Variants in ENTPD3 observed in about 807,000 individuals in gnomAD.
The protein encoded by ENTPD3 is ectonucleoside triphosphate diphosphohydrolase 3.
A neutral mutation model predicts 51.2 loss-of-function variants in ENTPD3; 60 were observed. That is an observed-to-expected ratio of 1.17 (90% CI 0.95 to 1.45). The LOEUF (loss-of-function observed/expected upper bound fraction) is 1.45. Among genes scored for constraint, ENTPD3 ranks in the 40% most tolerant of loss-of-function variants. The probability of loss-of-function intolerance (pLI) is 0.00; values close to 1 mark genes in which losing one functional copy is unlikely to be tolerated. For missense variants in ENTPD3, 593 were observed against 641.1 expected (o/e 0.93, Z 0.81); for synonymous variants, 221 against 238.4 (o/e 0.93, Z 0.67).
chr3:40,402,775 T>C (rs370576249), intron 4 of ENTPD3, among the ~76,000 whole-genome samples: 47 of 152,338 alleles, frequency 3.1e-4, no homozygotes, highest in East Asian at 1.9e-3. Context: ...TATGTTTTAT[T>C]TAAGAAATCC....
At position 40,400,931 on chromosome 3, in the gene ENTPD3, C is replaced by T. The variant is rs1168148171; in HGVS notation, c.206C>T (p.Thr69Ile). The T allele has an allele frequency of 7.4e-6, 12 of 1,613,892 alleles. No individual in the cohort carries two copies. The South Asian group carries it at 1.1e-4, about 15-fold the overall frequency. ...IVLDAGSSRT[T>I]VYVYQWPAEK... is the part of the protein sequence containing the mutation. Reference sequence around the variant, plus strand: ...CTGGATGCCGGGTCTTCAAGAACCACAGTCTACGTGTATCAATGGCCAGCA... The same window carrying T: ...CTGGATGCCGGGTCTTCAAGAACCATAGTCTACGTGTATCAATGGCCAGCA... The change falls in exon 4 of 11, where the codon ACA (threonine) becomes ATA (isoleucine). Residue 69 changes from threonine (T) to isoleucine (I), a missense_variant. Physicochemically the swap from Thr to Ile is moderately conservative, Grantham distance 89 (BLOSUM62 -1). Transcript: ENST00000301825.
intron 10 of ENTPD3, among the ~76,000 whole-genome samples, chr3:40,426,464 T>C (rs1186651778): frequency 6.6e-6 from 1 of 152,058 alleles, no homozygotes; most frequent in East Asian, 1.9e-4. Flanking sequence ...ATAGCACTAA[T>C]TGAAAATTTA....
At chr3:40,408,084 C>A (rs1559512697) in intron 4 of ENTPD3, among the ~76,000 whole-genome samples, 2 of 152,088 alleles carry the variant, frequency 1.3e-5, no homozygotes, top group Non-Finnish European at 2.9e-5. Flanking sequence ...AAAATGATTT[C>A]TTTAATAAAT....
intron 2 of ENTPD3, 126 bp from the exon 3 acceptor site, chr3:40,391,897 T>A: frequency 3.7e-6 from 4 of 1,074,110 alleles, no homozygotes; most frequent in Non-Finnish European, 4.2e-6. Context: ...GAAGTGTGGG[T>A]CTCGCTAACA....
Position 40,394,288 on chromosome 3 carries a change from C to A in ENTPD3, c.168+2138C>A, listed in dbSNP as rs116294872. ...CACCACCATGCCCAGCTAATTTTTTCTTGCTGTATTTTTAGTACAGATAGG... is the reference window on the plus strand; with the variant it reads ...CACCACCATGCCCAGCTAATTTTTTATTGCTGTATTTTTAGTACAGATAGG... On this transcript the variant is annotated intron_variant, in intron 3 of 10. Transcript: ENST00000301825. 977 of 299,454 alleles carry A rather than the reference C, an allele frequency of 3.3e-3. 5 individuals carry two copies. Among genetic ancestry groups the A allele is most frequent in the African/African-American group, 0.021 (913 of 44,256 alleles). 18.5% of individuals were successfully genotyped at this position (299,454 alleles called of 1,614,324 possible).
chr3:40,413,682 G>C (rs988705490), intron 5 of ENTPD3, among the ~76,000 whole-genome samples: 4 of 152,108 alleles, frequency 2.6e-5, no homozygotes, highest in Non-Finnish European at 5.9e-5. Context: ...CCATGGAACA[G>C]AAAGCTCACC....
At chr3:40,418,835 T>A (rs1435929922) in intron 7 of ENTPD3, among the ~76,000 whole-genome samples, 2 of 152,192 alleles carry the variant, frequency 1.3e-5, no homozygotes, top group Non-Finnish European at 2.9e-5. Context: ...ATCATTTTCC[T>A]GTGTTGTTAA....
chr3:40,411,864 T>TGAG lies in ENTPD3; in HGVS notation c.343_345dup (p.Glu115dup). The TGAG allele has an allele frequency of 6.2e-7, 1 of 1,612,240 alleles. No individual in the cohort carries two copies. Among genetic ancestry groups the TGAG allele is most frequent in the South Asian group, 1.1e-5 (1 of 90,450 alleles). On this transcript the variant is annotated inframe_insertion, in exon 5 of 11. Coordinates refer to ENST00000301825, the MANE Select transcript of ENTPD3 (RefSeq NM_001248.4). ...ACCCCCAAGATGTCCCCAGAGCCTT[T>TGAG]GAGGAGTGTATGCAAAAAGTCAAGG...
intron 2 of ENTPD3, 44 bp downstream of exon 2, chr3:40,388,141 G>A (rs760313818): frequency 1.9e-5 from 30 of 1,581,472 alleles, no homozygotes; most frequent in Non-Finnish European, 2.4e-5. Context: ...TTGCCAAATC[G>A]CAAGAGAACC....
intron 4 of ENTPD3, among the ~76,000 whole-genome samples, chr3:40,407,621 A>ATCC (rs1955534212): frequency 6.6e-6 from 1 of 152,130 alleles, no homozygotes; most frequent in Admixed American, 6.6e-5. Context: ...TACAGACGAT[A>ATCC]TCCAGCCCCA....
chr3:40,388,171 T>C, intron 2 of ENTPD3, 74 bp downstream of exon 2: 1 of 1,362,298 alleles, frequency 7.3e-7, no homozygotes, highest in African/African-American at 1.4e-5. Context: ...GCCTACAGTT[T>C]TTCATCCATA....
chr3:40,402,551 ATTG>A (rs1423885409), intron 4 of ENTPD3, among the ~76,000 whole-genome samples: 1 of 152,024 alleles, frequency 6.6e-6, no homozygotes, highest in Non-Finnish European at 1.5e-5. Context: ...TTTCTATTGA[ATTG>A]TTGAATTTTT....
intron 7 of ENTPD3, among the ~76,000 whole-genome samples, chr3:40,417,655 C>T (rs1955777689): frequency 6.6e-6 from 1 of 152,196 alleles, no homozygotes; most frequent in Non-Finnish European, 1.5e-5. Flanking sequence ...CCAAACCAAA[C>T]CCTACAGGTA....
At chr3:40,417,031 A>G (rs561267930) in intron 7 of ENTPD3, among the ~76,000 whole-genome samples, 1 of 152,114 alleles carries the variant, frequency 6.6e-6, no homozygotes, top group Non-Finnish European at 1.5e-5. Flanking sequence ...GCATTTACCC[A>G]GTGTTCATGC....
intron 7 of ENTPD3, among the ~76,000 whole-genome samples, chr3:40,420,640 C>T (rs192149014): frequency 2.0e-5 from 3 of 152,094 alleles, no homozygotes; most frequent in Middle Eastern, 3.4e-3. Flanking sequence ...TTTTTTCATA[C>T]CATAGAGGCA....
Position 40,427,353 on chromosome 3 carries a change from C to T in ENTPD3, c.1435C>T (p.Arg479Cys), listed in dbSNP as rs757195717. ...NQIPAESPLI[R>C]LPIEPPVFVG... is the part of the protein sequence containing the mutation. ...GATCCCAGCTGAAAGCCCTCTGATC[C>T]GTCTGCCCATAGAACCACCTGTCTT... The change falls in exon 11 of 11, where the codon CGT (arginine) becomes TGT (cysteine). Residue 479 changes from arginine (R) to cysteine (C), a missense_variant. Coordinates refer to ENST00000301825, the MANE Select transcript of ENTPD3 (RefSeq NM_001248.4). 19 of 1,614,044 alleles carry T rather than the reference C, an allele frequency of 1.2e-5. No individual in the cohort carries two copies. The highest frequency in any genetic ancestry group is 1.2e-4 in the Admixed American group (7 of 60,002).
intron 4 of ENTPD3, among the ~76,000 whole-genome samples, chr3:40,409,073 T>C (rs1955568540): frequency 6.6e-6 from 1 of 151,888 alleles, no homozygotes; most frequent in Non-Finnish European, 1.5e-5. Context: ...GCCAACATGG[T>C]GAAACCCCAT....
intron 3 of ENTPD3, chr3:40,392,363 C>G: frequency 1.7e-6 from 1 of 575,040 alleles, no homozygotes; most frequent in Non-Finnish European, 3.0e-6. Context: ...TGACTGACAC[C>G]TTCTCCAAGG....
At chr3:40,410,161 C>A (rs1373232038) in intron 4 of ENTPD3, among the ~76,000 whole-genome samples, 1 of 152,114 alleles carries the variant, frequency 6.6e-6, no homozygotes, top group Non-Finnish European at 1.5e-5. Context: ...ATGCAACAGG[C>A]CAGTCATGGT....
Sources: gnomAD v4.1 joint callset for allele counts (sites outside exome capture counted in the v4.1 genomes callset) on GRCh38, gnomAD v4.1.1 for gene constraint, MANE v1.5 for transcripts, NCBI Gene and HGNC (gene_info 2026-07-23, HGNC 2026-07-21) for gene names.